PTPRD: variants seen among roughly 807,000 people sequenced by gnomAD.
The protein encoded by PTPRD is receptor-type tyrosine-protein phosphatase delta.
A neutral mutation model predicts 214.5 loss-of-function variants in PTPRD; 34 were observed. The observed-to-expected ratio is 0.16, with a 90% CI of 0.12 to 0.21. PTPRD has a LOEUF of 0.21. Among genes scored for constraint, PTPRD ranks in the 10% least tolerant of loss-of-function variants. The pLI is 1.00. For synonymous variants in PTPRD, 1,128 were observed against 845.7 expected, an observed-to-expected ratio of 1.33 and a Z score of -5.79; for missense variants, 2,545 against 2,398.7, an observed-to-expected ratio of 1.06 and a Z score of -1.27.
chr9:9,748,364 G>A (rs141364660), intron 6 of PTPRD, among the ~76,000 whole-genome samples: 1 of 152,180 alleles, frequency 6.6e-6, no homozygotes, highest in Non-Finnish European at 1.5e-5. Flanking sequence ...ATCCATAGAA[G>A]TGTTTAATAA....
chr9:10,503,208 C>CAAACA (rs2044463380), intron 2 of PTPRD, among the ~76,000 whole-genome samples: 2 of 118,456 alleles, frequency 1.7e-5, no homozygotes, highest in African/African-American at 6.0e-5. Context: ...AAAAAAAAAA[C>CAAACA]AAAAAAAAAC....
chr9:9,786,223 C>T (rs1413095951), intron 5 of PTPRD, among the ~76,000 whole-genome samples: 1 of 144,598 alleles, frequency 6.9e-6, no homozygotes, highest in African/African-American at 2.7e-5. Context: ...AAGATGATTA[C>T]ATTTACCTGC....
chr9:9,193,033 A>G (rs1249755078), intron 9 of PTPRD, among the ~76,000 whole-genome samples: 1 of 152,130 alleles, frequency 6.6e-6, no homozygotes, highest in Non-Finnish European at 1.5e-5. Flanking sequence ...TGTCAACAGA[A>G]TGTTCCATTC....
intron 7 of PTPRD, among the ~76,000 whole-genome samples, chr9:9,634,047 C>A (rs898790650): frequency 6.6e-6 from 1 of 152,002 alleles, no homozygotes; most frequent in South Asian, 2.1e-4. Context: ...GATCTTAATT[C>A]TTTTTATTTT....
chr9:9,007,219 A>G (rs903166261), intron 11 of PTPRD, among the ~76,000 whole-genome samples: 1 of 151,584 alleles, frequency 6.6e-6, no homozygotes, highest in African/African-American at 2.4e-5. Flanking sequence ...CTGTTTTAGG[A>G]AAATATAAAA....
At chr9:8,511,258 A>G (rs2097675158) in intron 21 of PTPRD, among the ~76,000 whole-genome samples, 1 of 152,032 alleles carries the variant, frequency 6.6e-6, no homozygotes, top group African/African-American at 2.4e-5. Flanking sequence ...TTTTGTACAG[A>G]CAGGGTCTCA....
chr9:9,398,381 G>T (rs2068740299), intron 8 of PTPRD, among the ~76,000 whole-genome samples: 1 of 151,960 alleles, frequency 6.6e-6, no homozygotes, highest in Non-Finnish European at 1.5e-5. Flanking sequence ...CTACCCAGAA[G>T]ACTTCCTGCT....
At chr9:9,279,414 T>G (rs1453478077) in intron 9 of PTPRD, among the ~76,000 whole-genome samples, 2 of 149,250 alleles carry the variant, frequency 1.3e-5, no homozygotes, top group African/African-American at 4.9e-5. Flanking sequence ...AAAGAATGCA[T>G]TCGGTGCTAC....
intron 5 of PTPRD, among the ~76,000 whole-genome samples, chr9:9,770,514 C>T (rs755841716): frequency 1.2e-4 from 19 of 152,014 alleles, no homozygotes; most frequent in Admixed American, 4.6e-4. Context: ...AAAACTAATC[C>T]TTGAACACAG....
At chr9:8,424,681 C>A (rs2094551377) in intron 35 of PTPRD, among the ~76,000 whole-genome samples, 1 of 3,774 alleles carries the variant, frequency 2.6e-4, no homozygotes, top group African/African-American at 1.2e-3. Flanking sequence ...AAGAAGGGGA[C>A]TGGGAAGAAA....
chr9:10,065,689 T>C (rs1295911291), intron 3 of PTPRD, among the ~76,000 whole-genome samples: 1 of 151,824 alleles, frequency 6.6e-6, no homozygotes, highest in Non-Finnish European at 1.5e-5. Context: ...AGCTGGAAGG[T>C]TCAGATAGAA....
chr9:8,754,423 G>C (rs1412847695), intron 11 of PTPRD, among the ~76,000 whole-genome samples: 4 of 152,142 alleles, frequency 2.6e-5, no homozygotes, highest in Non-Finnish European at 5.9e-5. Context: ...TAGTGGAACA[G>C]AAAAAGAAGT....
chr9:9,655,619 C>A (rs2096491648), intron 7 of PTPRD, among the ~76,000 whole-genome samples: 1 of 149,802 alleles, frequency 6.7e-6, no homozygotes, highest in Admixed American at 6.6e-5. Flanking sequence ...CCAAACCAAG[C>A]CAAACCAAAC....
chr9:10,162,201 C>T (rs2099131372), intron 3 of PTPRD, among the ~76,000 whole-genome samples: 1 of 151,100 alleles, frequency 6.6e-6, no homozygotes, highest in African/African-American at 2.4e-5. Context: ...GGGTATAAAG[C>T]CAAGAGAAAA....
chr9:9,777,385 C>A (rs1247582062), intron 5 of PTPRD, among the ~76,000 whole-genome samples: 1 of 151,646 alleles, frequency 6.6e-6, no homozygotes, highest in Admixed American at 6.6e-5. Flanking sequence ...AAAATAAATT[C>A]AACTATTTAA....
At chr9:9,561,305 T>C (rs532535891) in intron 8 of PTPRD, among the ~76,000 whole-genome samples, 14 of 152,308 alleles carry the variant, frequency 9.2e-5, no homozygotes, top group African/African-American at 2.2e-4. Flanking sequence ...CATGTATTGA[T>C]TGATGTCTGC....
intron 11 of PTPRD, among the ~76,000 whole-genome samples, chr9:8,841,934 C>G (rs80325704): frequency 0.13 from 20,183 of 151,354 alleles, 1,643 homozygotes; most frequent in East Asian, 0.23. Context: ...TCAGATGAGC[C>G]CAGGAAGCAG....
At chr9:8,921,848 A>G (rs2098830253) in intron 11 of PTPRD, among the ~76,000 whole-genome samples, 1 of 152,176 alleles carries the variant, frequency 6.6e-6, no homozygotes, top group South Asian at 2.1e-4. Flanking sequence ...AGCCATTGCA[A>G]TTAATATATC....
At chr9:9,000,656 G>C (rs2099414447) in intron 11 of PTPRD, among the ~76,000 whole-genome samples, 1 of 151,924 alleles carries the variant, frequency 6.6e-6, no homozygotes, top group African/African-American at 2.4e-5. Flanking sequence ...AAACATTTCA[G>C]CATAATTGAT....
Sources: allele counts gnomAD v4.1 joint callset (sites outside exome capture counted in the v4.1 genomes callset), GRCh38; gene constraint gnomAD v4.1.1; transcripts MANE v1.5; gene names NCBI Gene and HGNC (gene_info 2026-07-23, HGNC 2026-07-21).